The following COL11A1 variants were observed in gnomAD, a reference collection of about 807,000 sequenced individuals.
COL11A1 encodes the protein collagen alpha-1(XI) chain.
In COL11A1, 74 loss-of-function variants were observed where a neutral mutation model predicts 265.2. That is an observed-to-expected ratio of 0.28 (90% CI 0.23 to 0.34). The LOEUF (loss-of-function observed/expected upper bound fraction) is 0.34. COL11A1 is among the 10% of genes least tolerant of loss of function. The pLI is 1.00. For synonymous variants in COL11A1, 816 were observed against 727.6 expected (o/e 1.12, Z -1.96); for missense variants, 2,165 against 2,263.6 (o/e 0.96, Z 0.88).
At chr1:103,006,178 A>ACAATAAATAAAT in intron 16 of COL11A1, 57 bp from the exon 17 acceptor site, 2 of 953,074 alleles carry the variant, frequency 2.1e-6, no homozygotes, top group South Asian at 4.9e-5. Flanking sequence ...GCAAGGAAGT[A>ACAATAAATAAAT]AAATAAATAA....
chr1:102,883,207 AT>A lies in COL11A1; in HGVS notation c.4962del (p.Lys1654AsnfsTer5). 1 of 1,609,598 alleles carries A rather than the reference AT, an allele frequency of 6.2e-7. No individual in the cohort carries two copies. The highest frequency in any genetic ancestry group is 8.5e-7 in the Non-Finnish European group (1 of 1,176,078). On this transcript the variant is annotated frameshift_variant, in exon 64 of 67. Coordinates refer to ENST00000370096, the MANE Select transcript of COL11A1 (RefSeq NM_001854.4). LOFTEE classifies it high-confidence loss of function. ...GGETCIYPDK[K>X]SEGVRISSWP... ...AACAGATTGGTACTTACTCCCTCAG[AT>A]TTTTTGTCTGGATAAATGCAAGTCT...
intron 42 of COL11A1, among the ~76,000 whole-genome samples, chr1:102,942,338 A>G (rs1658806715): frequency 6.6e-6 from 1 of 152,190 alleles, no homozygotes; most frequent in African/African-American, 2.4e-5. Context: ...ATCTCTAGCC[A>G]GGAATCACTT....
chr1:103,001,947 G>C lies in COL11A1; in HGVS notation c.2120C>G (p.Pro707Arg). 6.2e-7 allele frequency: 1 copy of C among 1,613,090 alleles called. No homozygotes were observed. Among genetic ancestry groups the C allele is most frequent in the Non-Finnish European group, 8.5e-7 (1 of 1,179,210 alleles). ...TACTTTTTCACCAGGAGGACCAATT[G>C]GACCTTGTGGACCAGGAAGACCCTA... ...GPQGLPGPQGPIGPPGEKGPQ... is the reference protein window; with the variant it reads ...GPQGLPGPQGRIGPPGEKGPQ... The change falls in exon 24 of 67, where the codon CCA (proline) becomes CGA (arginine). Residue 707 changes from proline (P) to arginine (R), a missense_variant. Pro to Arg is a moderately radical substitution (Grantham distance 103). Coordinates refer to ENST00000370096, the MANE Select transcript of COL11A1 (RefSeq NM_001854.4).
intron 4 of COL11A1, among the ~76,000 whole-genome samples, chr1:103,051,521 G>A (rs552406958): frequency 6.6e-6 from 1 of 152,280 alleles, no homozygotes; most frequent in East Asian, 1.9e-4. Flanking sequence ...CTTTGACTAG[G>A]AAAGGGAATT....
At chr1:102,962,366 A>T (rs1265094253) in intron 39 of COL11A1, 101 bp from the exon 40 acceptor site, 1 of 938,440 alleles carries the variant, frequency 1.1e-6, no homozygotes, top group Non-Finnish European at 1.7e-6. Context: ...TAAAATGTGA[A>T]TATTATTTAA....
chr1:103,005,961 T>G (rs2101851941), intron 17 of COL11A1, 70 bp from the exon 18 acceptor site: 1 of 1,612,698 alleles, frequency 6.2e-7, no homozygotes, highest in East Asian at 2.2e-5. Context: ...GTACTGCAAT[T>G]TAAATGCGAA....
At chr1:102,962,835 AT>A in intron 38 of COL11A1, 75 bp from the exon 39 acceptor site, 1 of 1,260,646 alleles carries the variant, frequency 7.9e-7, no homozygotes, top group South Asian at 1.2e-5. Context: ...CAAAAACAGT[AT>A]TATTACATTT....
intron 4 of COL11A1, among the ~76,000 whole-genome samples, chr1:103,048,255 C>G (rs925332613): frequency 6.6e-6 from 1 of 152,106 alleles, no homozygotes. Context: ...GGTTGTTAAG[C>G]TATTGATTAT....
intron 4 of COL11A1, among the ~76,000 whole-genome samples, chr1:103,070,774 T>C (rs549385214): frequency 6.6e-6 from 1 of 152,050 alleles, no homozygotes; most frequent in Admixed American, 6.6e-5. Context: ...CTGGGTAAAG[T>C]GGATAAATGG....
intron 28 of COL11A1, among the ~76,000 whole-genome samples, chr1:102,993,488 T>G (rs1664332263): frequency 6.6e-6 from 1 of 152,186 alleles, no homozygotes; most frequent in Non-Finnish European, 1.5e-5. Flanking sequence ...TAAGAAAATC[T>G]AAATGCTATA....
Position 103,108,284 on chromosome 1 carries a change from T to C in COL11A1, c.-106A>G, listed in dbSNP as rs1302377530. The C allele has an allele frequency of 9.5e-6, 8 of 842,636 alleles. No homozygotes were observed. The highest frequency in any genetic ancestry group is 2.8e-5 in the South Asian group (2 of 71,612). 52.2% of individuals were successfully genotyped at this position (842,636 alleles called of 1,614,324 possible). On this transcript the variant is annotated 5_prime_UTR_variant, in exon 1 of 67. The change abolishes an upstream ATG in the 5' untranslated region. Transcript: ENST00000370096. ...GCCAGGGATGTTTGCTACACAGCCATTGGGGAGGGAGAGGGGGAAAAAGTC... is the reference window on the plus strand; with the variant it reads ...GCCAGGGATGTTTGCTACACAGCCACTGGGGAGGGAGAGGGGGAAAAAGTC...
At chr1:103,032,036 G>A (rs35071880) in intron 4 of COL11A1, among the ~76,000 whole-genome samples, 12,290 of 152,006 alleles carry the variant, frequency 0.081, 564 homozygotes, top group Middle Eastern at 0.16. Context: ...ATGTAATGTG[G>A]CTACTTCCAT....
At chr1:103,107,801 G>A (rs911083450) in intron 1 of COL11A1, among the ~76,000 whole-genome samples, 5 of 152,084 alleles carry the variant, frequency 3.3e-5, no homozygotes, top group Non-Finnish European at 5.9e-5. Flanking sequence ...AGGCTGGAAA[G>A]TGGTGAAGGG....
At chr1:103,051,269 C>A (rs148326736) in intron 4 of COL11A1, among the ~76,000 whole-genome samples, 1 of 152,184 alleles carries the variant, frequency 6.6e-6, no homozygotes, top group Non-Finnish European at 1.5e-5. Flanking sequence ...GCTTCCTGGC[C>A]GCTTTGTTTA....
chr1:103,017,799 A>G, intron 11 of COL11A1, 21 bp downstream of exon 11: 4 of 1,598,572 alleles, frequency 2.5e-6, no homozygotes, highest in Non-Finnish European at 3.4e-6. Flanking sequence ...TTGTAATGAG[A>G]TATCATGTCC....
At chr1:102,900,649 T>G (rs573947693) in intron 54 of COL11A1, among the ~76,000 whole-genome samples, 5 of 152,194 alleles carry the variant, frequency 3.3e-5, no homozygotes, top group South Asian at 4.2e-4. Context: ...TGTCTAAAAT[T>G]GGAAGGAAAA....
rs1459686009 is a variant in COL11A1, at chr1:102,914,741, T to C, written c.3887A>G (p.Lys1296Arg). The C allele has an allele frequency of 6.2e-7, 1 of 1,613,340 alleles. No homozygotes were observed. Among genetic ancestry groups the C allele is most frequent in the Admixed American group, 1.7e-5 (1 of 59,934 alleles). Residue 1296 changes from lysine (K) to arginine (R), a missense_variant, in exon 51 of 67, where the codon AAG (lysine) becomes AGG (arginine). Lys to Arg is a conservative substitution (Grantham distance 26). Coordinates refer to ENST00000370096, the MANE Select transcript of COL11A1 (RefSeq NM_001854.4). ...PPGAAGPPGAKGPPGDDGPKG... is the reference protein window; with the variant it reads ...PPGAAGPPGARGPPGDDGPKG... ...AGGGCCATCATCACCTGGTGGCCCC[T>C]TGGCACCTGGAGGTCCAGCAGCTCC...
chr1:103,045,600 A>C (rs534362183), intron 4 of COL11A1, among the ~76,000 whole-genome samples: 429 of 152,110 alleles, frequency 2.8e-3, no homozygotes, highest in Middle Eastern at 6.8e-3. Flanking sequence ...TTTAAATAAT[A>C]TATCAATATT....
chr1:102,951,104 C>A (rs540892389), intron 41 of COL11A1, among the ~76,000 whole-genome samples: 9 of 152,056 alleles, frequency 5.9e-5, no homozygotes, highest in African/African-American at 9.7e-5. Context: ...TCGGGCAGTT[C>A]TTTATAGCAG....
Sources: gnomAD v4.1 joint callset for allele counts (sites outside exome capture counted in the v4.1 genomes callset) on GRCh38, gnomAD v4.1.1 for gene constraint, MANE v1.5 for transcripts, NCBI Gene and HGNC (gene_info 2026-07-23, HGNC 2026-07-21) for gene names.